SEZ6: variants seen among roughly 807,000 people sequenced by gnomAD.
The protein encoded by SEZ6 is seizure protein 6 homolog.
In SEZ6, 53 loss-of-function variants were observed where a neutral mutation model predicts 101.0. The observed-to-expected ratio is 0.52, with a 90% confidence interval of 0.42 to 0.66. The LOEUF (loss-of-function observed/expected upper bound fraction) is 0.66, where lower values mean the gene tolerates loss of function less well. SEZ6 is among the 30% of genes least tolerant of loss of function. SEZ6 has a pLI of 0.00. For missense variants in SEZ6, 1,102 were observed against 1,289.4 expected (o/e 0.85, Z 2.23); for synonymous variants, 488 against 512.2 (o/e 0.95, Z 0.64).
In SEZ6 at chr17:28,964,045, C is replaced by T. The variant is rs1310189324; in HGVS notation, c.1157G>A (p.Gly386Asp). ...GGSARFHCAT[G>D]YQLKGARHLT... ...ATGCCTGGCGCCCTTCAGCTGGTAG[C>T]CAGTGGCACAATGGAAGCGGGCACT... Residue 386 changes from glycine (G) to aspartate (D), a missense_variant, in exon 5 of 17, where the codon GGC becomes GAC. Transcript: ENST00000317338. 2 of 1,610,870 alleles carry T rather than the reference C, an allele frequency of 1.2e-6. No homozygotes were observed. The highest frequency in any genetic ancestry group is 2.2e-5 in the East Asian group (1 of 44,806).
rs531592765 is a variant in SEZ6, at chr17:29,005,865, C to A, written c.5G>T (p.Arg2Leu). 8.2e-5 allele frequency: 121 copies of A among 1,470,420 alleles called. No homozygotes were observed. The highest frequency in any genetic ancestry group is 9.7e-5 in the Non-Finnish European group (108 of 1,110,778). 91.1% of individuals were successfully genotyped at this position (1,470,420 alleles called of 1,614,324 possible). M[R>L]PVALLLLPSL... ...GGGCAGGAGCAGCAGGGCTACCGGG[C>A]GCATGGTGCTGGTTGCGGCCGCGCC... Residue 2 changes from arginine (R) to leucine (L), a missense_variant, in exon 1 of 17, where the codon CGC becomes CTC. By Grantham distance (102) the Arg-to-Leu change is moderately radical. This residue lies in a region of SEZ6 where 406 missense variants were observed against 418.6 expected (regional missense o/e 0.97). Coordinates refer to ENST00000317338, the MANE Select transcript of SEZ6 (RefSeq NM_178860.5). This position sits in a 1 kb window ranked among gnomAD's most constrained non-coding sequence, Gnocchi z 4.8.
intron 3 of SEZ6, 71 bp downstream of exon 3, chr17:28,979,609 A>C: frequency 3.7e-6 from 6 of 1,603,786 alleles, no homozygotes; most frequent in Non-Finnish European, 4.3e-6. Flanking sequence ...ATCCTCTCAT[A>C]GCATGTGCCT....
At chr17:28,987,078 C>G (rs1185839106) in intron 1 of SEZ6, among the ~76,000 whole-genome samples, 1 of 152,168 alleles carries the variant, frequency 6.6e-6, no homozygotes, top group Non-Finnish European at 1.5e-5. Flanking sequence ...CAAGGGGGAG[C>G]CTGAGGGACA....
chr17:28,990,089 A>G (rs76788568), intron 1 of SEZ6, among the ~76,000 whole-genome samples: 1 of 151,812 alleles, frequency 6.6e-6, no homozygotes, highest in Non-Finnish European at 1.5e-5. Context: ...ACACACACAC[A>G]AAAAAAAGAA....
chr17:28,963,107 G>C (rs538268208), intron 5 of SEZ6, among the ~76,000 whole-genome samples: 76 of 147,756 alleles, frequency 5.1e-4, no homozygotes, highest in Non-Finnish European at 8.9e-4. Flanking sequence ...CTGGGTGAAA[G>C]AGCGAGACTC....
chr17:28,963,079 G>A (rs1411533598), intron 5 of SEZ6, among the ~76,000 whole-genome samples: 2 of 151,010 alleles, frequency 1.3e-5, no homozygotes, highest in Non-Finnish European at 2.9e-5. Context: ...AGCCGAGATA[G>A]CGCCACTGCA....
Position 28,981,359 on chromosome 17 carries a change from C to T in SEZ6, c.724+12G>A. On this transcript the variant is annotated intron_variant, in intron 2 of 16. Coordinates refer to ENST00000317338, the MANE Select transcript of SEZ6 (RefSeq NM_178860.5). ...CCCCATTTCCACATCTGCAAGCCAG[C>T]AGGTAGCTGACCTGGTGTCTGGACT... 2 of 1,534,462 alleles carry T rather than the reference C, an allele frequency of 1.3e-6. No individual in the cohort carries two copies. The highest frequency in any genetic ancestry group is 1.8e-6 in the Non-Finnish European group (2 of 1,135,412).
rs746515963 is a variant in SEZ6 at position 28,957,352 on chromosome 17, A to G, written c.2490T>C (p.Cys830=). 1.8e-5 allele frequency: 29 copies of G among 1,612,160 alleles called. No homozygotes were observed. Among genetic ancestry groups the G allele is most frequent in the South Asian group, 7.7e-5 (7 of 91,056 alleles). Residue 830 remains cysteine (C), a synonymous_variant, in exon 12 of 17, where the codon TGT becomes TGC. Coordinates refer to ENST00000317338, the MANE Select transcript of SEZ6 (RefSeq NM_178860.5). ...TCCTACTCAATTGACACTTACGGAG[A>G]CATTTAGGGGCCCGGTCACTCCACT... ...SPKWSDRAPK[C]LLEQLKPCHG... is the part of the protein sequence containing the mutation.
chr17:28,974,147 C>G (rs1488295259), intron 3 of SEZ6, among the ~76,000 whole-genome samples: 1 of 152,196 alleles, frequency 6.6e-6, no homozygotes, highest in Admixed American at 6.5e-5. Flanking sequence ...GACGAGATGG[C>G]ACTACAGTTT....
intron 4 of SEZ6, among the ~76,000 whole-genome samples, chr17:28,968,047 C>T (rs60895404): frequency 0.023 from 3,488 of 152,118 alleles, 129 homozygotes; most frequent in African/African-American, 0.08. Flanking sequence ...CTTGGTCTTG[C>T]GATAAGGCCC....
intron 1 of SEZ6, among the ~76,000 whole-genome samples, chr17:28,988,750 A>G (rs555971193): frequency 6.6e-6 from 1 of 152,332 alleles, no homozygotes; most frequent in East Asian, 1.9e-4. Flanking sequence ...CCAGGCTCCA[A>G]GTGGGGCAGT....
At chr17:29,006,045 G>A (rs2041686808), upstream of SEZ6, 2 of 439,868 alleles carry the variant, frequency 4.5e-6, no homozygotes, top group South Asian at 1.0e-4. Context: ...GCCAGCGCCT[G>A]GCGACGGCGC....
At chr17:29,003,882 AG>A (rs2041649456) in intron 1 of SEZ6, among the ~76,000 whole-genome samples, 2 of 120,720 alleles carry the variant, frequency 1.7e-5, no homozygotes, top group South Asian at 7.2e-4. Flanking sequence ...CCTGATAGTC[AG>A]GAAGGGACAC....
intron 1 of SEZ6, among the ~76,000 whole-genome samples, chr17:28,987,079 CT>C (rs1193446934): frequency 2.0e-5 from 3 of 152,154 alleles, no homozygotes; most frequent in Admixed American, 6.5e-5. Context: ...AAGGGGGAGC[CT>C]GAGGGACAGG....
intron 1 of SEZ6, among the ~76,000 whole-genome samples, chr17:28,987,413 C>T (rs111604938): frequency 1.1e-4 from 16 of 152,264 alleles, no homozygotes; most frequent in Middle Eastern, 3.4e-3. Flanking sequence ...TATATAGGGC[C>T]GCTGGGATCT....
chr17:29,001,836 GCTC>G (rs1249262889), intron 1 of SEZ6, among the ~76,000 whole-genome samples: 6 of 152,168 alleles, frequency 3.9e-5, no homozygotes, highest in Non-Finnish European at 7.4e-5. Flanking sequence ...ATAGAACCTG[GCTC>G]CTCCTCCCTG....
At chr17:28,957,309 C>T (rs2040896764) in intron 12 of SEZ6, 39 bp downstream of exon 12, 4 of 1,610,670 alleles carry the variant, frequency 2.5e-6, no homozygotes, top group Non-Finnish European at 3.4e-6. Flanking sequence ...TCTTTTATCT[C>T]CAGCTAGAGG....
intron 3 of SEZ6, among the ~76,000 whole-genome samples, chr17:28,975,395 C>T (rs1442841907): frequency 1.3e-5 from 2 of 152,174 alleles, no homozygotes; most frequent in Non-Finnish European, 2.9e-5. Flanking sequence ...GGTTCAATCT[C>T]CCTTTATAGA....
At position 29,005,228 on chromosome 17, in the gene SEZ6, C is replaced by T. The variant is rs1325342985; in HGVS notation, c.55+587G>A. Among the ~76,000 whole-genome samples, 3 of 152,160 alleles carry T rather than the reference C, an allele frequency of 2.0e-5. No homozygotes were observed. The highest frequency in any genetic ancestry group is 7.2e-5 in the African/African-American group (3 of 41,452). On this transcript the variant is annotated intron_variant, in intron 1 of 16. Transcript: ENST00000317338. The surrounding 1 kb of genome is among the most constrained non-coding windows in gnomAD (Gnocchi z 4.8). Reference sequence around the variant, plus strand: ...GGGGGTCCAGGCCCTTGGAGTTTCTCTCTAGAATTGTGCTCTAGGTCCCGA... The same window carrying T: ...GGGGGTCCAGGCCCTTGGAGTTTCTTTCTAGAATTGTGCTCTAGGTCCCGA...
Sources: allele counts gnomAD v4.1 joint callset (sites outside exome capture counted in the v4.1 genomes callset), GRCh38; gene constraint gnomAD v4.1.1; regional missense constraint gnomAD v4.1.1; non-coding constraint Gnocchi (gnomAD v3.1); transcripts MANE v1.5; gene names NCBI Gene and HGNC (gene_info 2026-07-23, HGNC 2026-07-21).